Variants in ATM observed in about 807,000 individuals in gnomAD.
ATM encodes the protein ATM serine/threonine kinase.
ATM carries 308 observed loss-of-function variants against 387.0 expected under a neutral mutation model. The ratio of observed to expected loss-of-function variants is 0.80; its 90% CI spans 0.73 to 0.87. The LOEUF (loss-of-function observed/expected upper bound fraction) is 0.87, where lower values mean the gene tolerates loss of function less well. Among genes scored for constraint, ATM ranks in the 40% least tolerant of loss-of-function variants. The probability of loss-of-function intolerance (pLI) is 0.00; values close to 1 mark genes in which losing one functional copy is unlikely to be tolerated. For missense variants in ATM, 3,312 were observed against 3,560.9 expected (o/e 0.93, Z 1.78); for synonymous variants, 1,156 against 1,187.3 (o/e 0.97, Z 0.54).
chr11:108,268,379 CTT>C lies in ATM; in HGVS notation c.2639-30_2639-29del, dbSNP rs760452869. 6.2e-7 allele frequency: 1 copy of C among 1,602,766 alleles called. No homozygotes were observed. The highest frequency in any genetic ancestry group is 8.5e-7 in the Non-Finnish European group (1 of 1,171,814). On this transcript the variant is annotated intron_variant, in intron 17 of 62. Coordinates refer to ENST00000675843, the MANE Select transcript of ATM (RefSeq NM_000051.4). ...CTATATATGGCTGTTGTGCCCTTCT[CTT>C]AGTGTTAATGAGTGCTTTTTATTTT...
chr11:108,257,696 T>TG, intron 15 of ATM, 90 bp downstream of exon 15: 1 of 1,333,038 alleles, frequency 7.5e-7, no homozygotes. Flanking sequence ...CACAACTCAT[T>TG]GTAGCCTTGA....
At chr11:108,273,331 C>CTTTTTTTTTTTTTTTTTTTTTTTTTTTT (rs563140198) in intron 22 of ATM, among the ~76,000 whole-genome samples, 1 of 80,656 alleles carries the variant, frequency 1.2e-5, no homozygotes, top group African/African-American at 5.7e-5. Context: ...TAATTTCATT[C>CTTTTTTTTTTTTTTTTTTTTTTTTTTTT]TTTTTTTTTT....
rs772874616 is a variant in ATM, at chr11:108,251,857, C to T, written c.1628C>T (p.Thr543Ile). Reference protein sequence around the residue: ...RPSCPAVCCLTLALTTSIVPG... With the variant: ...RPSCPAVCCLILALTTSIVPG... The stretch of plus-strand genomic sequence containing the variant: ...TATAGTCCTGCAGTATGCTGTTTGA[C>T]TTTGGCACTGACCACCAGTATAGTT... Residue 543 changes from threonine to isoleucine, a missense_variant, in exon 11 of 63, where the codon ACT becomes ATT. Transcript: ENST00000675843. 7.4e-6 allele frequency: 12 copies of T among 1,613,816 alleles called. No homozygotes were observed. The highest frequency in any genetic ancestry group is 8.5e-6 in the Non-Finnish European group (10 of 1,179,780).
chr11:108,278,975 A>C (rs1234922808), intron 22 of ATM, among the ~76,000 whole-genome samples: 1 of 152,242 alleles, frequency 6.6e-6, no homozygotes, highest in Non-Finnish European at 1.5e-5. Context: ...GATTACTAAA[A>C]AAGGATAAAA....
rs2083032760 is a variant in ATM, at chr11:108,294,920, CTT to C, written c.4777-4_4777-3del. The C allele has an allele frequency of 6.2e-7, 1 of 1,613,456 alleles. No individual in the cohort carries two copies. The highest frequency in any genetic ancestry group is 8.5e-7 in the Non-Finnish European group (1 of 1,179,654). ...GTGTTAAAAGCAAGTTACATTTTCT[CTT>C]TTAGGAAATTAACCATTTTCTCTCA... On this transcript the variant is annotated splice_polypyrimidine_tract_variant and splice_region_variant and intron_variant, in intron 31 of 62. Transcript: ENST00000675843.
intron 13 of ATM, among the ~76,000 whole-genome samples, chr11:108,255,964 A>C (rs1188365722): frequency 6.6e-6 from 1 of 151,574 alleles, no homozygotes; most frequent in Admixed American, 6.6e-5. Flanking sequence ...TGTACAGTAC[A>C]CCCTCCACCC....
At chr11:108,228,624 T>G (rs2078856367) in intron 3 of ATM, among the ~76,000 whole-genome samples, 1 of 152,250 alleles carries the variant, frequency 6.6e-6, no homozygotes, top group African/African-American at 2.4e-5. Flanking sequence ...GTTACAGATT[T>G]GAAAGCATAT....
chr11:108,350,783 G>A (rs1470433940), intron 59 of ATM, among the ~76,000 whole-genome samples: 1 of 152,140 alleles, frequency 6.6e-6, no homozygotes, highest in African/African-American at 2.4e-5. Context: ...CAAATTAGAG[G>A]TAGGAGTATG....
intron 16 of ATM, among the ~76,000 whole-genome samples, chr11:108,265,514 T>G (rs2081178241): frequency 6.6e-6 from 1 of 151,786 alleles, no homozygotes; most frequent in African/African-American, 2.4e-5. Flanking sequence ...ACATTAGACC[T>G]AAAACCATAA....
rs980731959 is a variant in ATM, at chr11:108,299,753, A to T, written c.5045A>T (p.Asp1682Val). 1 of 1,613,972 alleles carries T rather than the reference A, an allele frequency of 6.2e-7. No individual in the cohort carries two copies. The highest frequency in any genetic ancestry group is 8.5e-7 in the Non-Finnish European group (1 of 1,179,924). The change falls in exon 34 of 63, where the codon GAT becomes GTT. Residue 1682 changes from aspartate (D) to valine (V), a missense_variant. Physicochemically the swap from Asp to Val is radical, Grantham distance 152. Coordinates refer to ENST00000675843, the MANE Select transcript of ATM (RefSeq NM_000051.4). ...TGCTTGGGAGAAGTGGGTCCTATAG[A>T]TTTCTCTACCATAGCTATACAACAT... ...GSCLGEVGPI[D>V]FSTIAIQHSK...
At chr11:108,344,626 G>A (rs1275546133) in intron 57 of ATM, among the ~76,000 whole-genome samples, 5 of 152,242 alleles carry the variant, frequency 3.3e-5, no homozygotes, top group African/African-American at 9.6e-5. Context: ...GAACTGAGAT[G>A]AACAGCAGTA....
At position 108,268,744 on chromosome 11, in the gene ATM, AG is replaced by A; in HGVS notation, c.2838+136del. The A allele has an allele frequency of 6.1e-6, 6 of 975,770 alleles. No individual in the cohort carries two copies. The South Asian group carries it at 8.1e-5, about 13-fold the overall frequency. 60.4% of individuals were successfully genotyped at this position (975,770 alleles called of 1,614,324 possible). ...TTTCTTGAGAAATGAACCTGAGACT[AG>A]TTGGAAAATAACACTTTTAACGTGC... On this transcript the variant is annotated intron_variant, in intron 18 of 62. Transcript: ENST00000675843.
intron 5 of ATM, among the ~76,000 whole-genome samples, chr11:108,243,068 A>G (rs1431288395): frequency 6.6e-6 from 1 of 151,714 alleles, no homozygotes; most frequent in Non-Finnish European, 1.5e-5. Flanking sequence ...TAAAATACCA[A>G]TCAGTTGGGT....
At chr11:108,355,179 G>T in intron 61 of ATM, 5 of 339,914 alleles carry the variant, frequency 1.5e-5, no homozygotes, top group South Asian at 3.7e-5. Context: ...TTTTCAGAAT[G>T]GTTTCCATTA....
chr11:108,333,125 T>C (rs2086459946), intron 53 of ATM, among the ~76,000 whole-genome samples: 1 of 152,212 alleles, frequency 6.6e-6, no homozygotes, highest in Non-Finnish European at 1.5e-5. Context: ...TTTGATTTCT[T>C]CTGATAATCT....
chr11:108,273,516 A>G (rs1048764975), intron 22 of ATM, among the ~76,000 whole-genome samples: 4 of 149,454 alleles, frequency 2.7e-5, no homozygotes, highest in Non-Finnish European at 4.5e-5. Context: ...TAATTTTTTT[A>G]TTTTTCGTAG....
chr11:108,347,170 A>C (rs2088521938), intron 58 of ATM, 109 bp from the exon 59 acceptor site: 1 of 890,366 alleles, frequency 1.1e-6, no homozygotes. Context: ...TAAAAATCCT[A>C]AACTACTTAA....
At position 108,244,969 on chromosome 11, in the gene ATM, T is replaced by C. The variant is rs1565371944; in HGVS notation, c.844T>C (p.Leu282=). Reference sequence around the variant, plus strand: ...TTCTTTAAAAGAAGTCATTATTGAATTATTTCAACTGCAAATTTATATCCA... The same window carrying C: ...TTCTTTAAAAGAAGTCATTATTGAACTATTTCAACTGCAAATTTATATCCA... ...NDSLKEVIIE[L]FQLQIYIHHP... The change falls in exon 7 of 63, where the codon TTA becomes CTA. Residue 282 remains leucine, a synonymous_variant. Transcript: ENST00000675843. The C allele has an allele frequency of 6.2e-7, 1 of 1,613,016 alleles. No homozygotes were observed. Among genetic ancestry groups the C allele is most frequent in the Non-Finnish European group, 8.5e-7 (1 of 1,179,800 alleles).
At position 108,357,699 on chromosome 11, in the gene ATM, C is replaced by T. The variant is rs370644819; in HGVS notation, c.8850+2825C>T. On this transcript the variant is annotated intron_variant, in intron 61 of 62. Transcript: ENST00000675843. ...AGCAGGGGCACACTGACACCTCACA[C>T]GGCAGGGTACTCCAACAGACCTGCA... Among the ~76,000 whole-genome samples, 514 of 152,226 alleles carry T rather than the reference C, an allele frequency of 3.4e-3. 9 individuals are homozygous for T. In the East Asian group the frequency reaches 0.045, roughly 13 times the overall value.
Sources: gnomAD v4.1 joint callset for allele counts (sites outside exome capture counted in the v4.1 genomes callset) on GRCh38, gnomAD v4.1.1 for gene constraint, MANE v1.5 for transcripts, NCBI Gene and HGNC (gene_info 2026-07-23, HGNC 2026-07-21) for gene names.